The following SDK2 variants were observed in gnomAD, a reference collection of about 807,000 sequenced individuals.
SDK2 encodes sidekick cell adhesion molecule 2, also known as protein sidekick-2.
SDK2 carries 105 observed loss-of-function variants against 253.9 expected under a neutral mutation model. The observed-to-expected ratio is 0.41, with a 90% CI of 0.35 to 0.49. SDK2 has a LOEUF of 0.49. Among genes scored for constraint, SDK2 ranks in the 20% least tolerant of loss-of-function variants. SDK2 has a pLI of 0.06. For missense variants in SDK2, 2,608 were observed against 3,003.0 expected (o/e 0.87, Z 3.07); for synonymous variants, 1,249 against 1,234.9 (o/e 1.01, Z -0.24).
At chr17:73,588,495 G>A (rs1265045330) in intron 1 of SDK2, among the ~76,000 whole-genome samples, 1 of 151,872 alleles carries the variant, frequency 6.6e-6, no homozygotes, top group Non-Finnish European at 1.5e-5. Context: ...TTGTGACTGA[G>A]CAAGTATCCC....
At chr17:73,480,630 GAGAGAC>G (rs1216936491) in intron 2 of SDK2, among the ~76,000 whole-genome samples, 1 of 152,142 alleles carries the variant, frequency 6.6e-6, no homozygotes, top group African/African-American at 2.4e-5. Context: ...GGGTGAAAAT[GAGAGAC>G]AGAGACAGAG....
At chr17:73,362,901 C>T (rs1358963230) in intron 38 of SDK2, among the ~76,000 whole-genome samples, 1 of 152,244 alleles carries the variant, frequency 6.6e-6, no homozygotes, top group Non-Finnish European at 1.5e-5. Flanking sequence ...AAAGACAGGC[C>T]TTGCAGCCAA....
At chr17:73,488,744 T>C (rs1261108577) in intron 2 of SDK2, among the ~76,000 whole-genome samples, 8 of 152,246 alleles carry the variant, frequency 5.3e-5, no homozygotes, top group African/African-American at 1.9e-4. Context: ...GTTATGCGTT[T>C]CTTAACCATT....
intron 24 of SDK2, among the ~76,000 whole-genome samples, chr17:73,396,483 A>C (rs1271016488): frequency 6.6e-6 from 1 of 150,550 alleles, no homozygotes; most frequent in Admixed American, 6.6e-5. Flanking sequence ...CCCACTCCTC[A>C]CCTTCGGCCC....
At chr17:73,524,527 A>G (rs2064110080) in intron 1 of SDK2, among the ~76,000 whole-genome samples, 1 of 152,168 alleles carries the variant, frequency 6.6e-6, no homozygotes, top group Admixed American at 6.5e-5. Flanking sequence ...GGACACCCAC[A>G]TCCAGACAGA....
At chr17:73,477,851 C>T (rs1016911545) in intron 2 of SDK2, among the ~76,000 whole-genome samples, 2 of 152,200 alleles carry the variant, frequency 1.3e-5, no homozygotes, top group East Asian at 1.9e-4. Context: ...GGAACAGTGA[C>T]GGTGGCTGGG....
At chr17:73,462,589 T>C (rs900294716) in intron 3 of SDK2, among the ~76,000 whole-genome samples, 1 of 152,138 alleles carries the variant, frequency 6.6e-6, no homozygotes, top group African/African-American at 2.4e-5. Context: ...TGGTTGTGTG[T>C]ATGCATGTTT....
intron 39 of SDK2, among the ~76,000 whole-genome samples, chr17:73,360,768 T>C (rs2062633087): frequency 6.6e-6 from 1 of 150,528 alleles, no homozygotes; most frequent in African/African-American, 2.4e-5. Context: ...AAACCCTGTC[T>C]CTACTAAAAA....
At chr17:73,344,917 G>A (rs1449213150) in intron 44 of SDK2, among the ~76,000 whole-genome samples, 1 of 152,208 alleles carries the variant, frequency 6.6e-6, no homozygotes, top group African/African-American at 2.4e-5. Flanking sequence ...TTCACACTTT[G>A]AGGCCCAGCT....
chr17:73,561,821 T>C (rs2045239559), intron 1 of SDK2, among the ~76,000 whole-genome samples: 1 of 152,166 alleles, frequency 6.6e-6, no homozygotes, highest in African/African-American at 2.4e-5. Context: ...AAAATCCTAG[T>C]CATCAAGATA....
chr17:73,431,735 C>A lies in SDK2; in HGVS notation c.1313-66G>T. On this transcript the variant is annotated intron_variant, in intron 10 of 44. Transcript: ENST00000392650. This position sits in a 1 kb window ranked among gnomAD's most constrained non-coding sequence, Gnocchi z 5.6. ...AGGGCACACCCTGCCCTTCCCTGGC[C>A]GCTCCAGGGCAGCATGGTCCCCCCA... 6.9e-7 allele frequency: 1 copy of A among 1,451,176 alleles called. No homozygotes were observed. The allele number at this position is 1,451,176 out of a possible 1,614,324, so 89.9% of individuals were successfully genotyped here. A position where few individuals can be genotyped will look rare whatever the true frequency, so the allele number is the denominator to read the frequency against.
chr17:73,510,268 G>C (rs1599635180), intron 1 of SDK2, among the ~76,000 whole-genome samples: 1 of 152,302 alleles, frequency 6.6e-6, no homozygotes, highest in East Asian at 1.9e-4. Context: ...TGGCCCTGCT[G>C]CACAGCACCC....
Position 73,528,545 on chromosome 17 carries a change from T to A in SDK2, c.65-20948A>T, listed in dbSNP as rs1394375597. Among the ~76,000 whole-genome samples, 3 of 152,138 alleles carry A rather than the reference T, an allele frequency of 2.0e-5. No individual in the cohort carries two copies. In the East Asian group the frequency reaches 5.8e-4, roughly 29 times the overall value. ...GGATTCACACTTGGGGCCGGTCAAG[T>A]CCTTGGCTCCTGCTCTCATCCCAAG... On this transcript the variant is annotated intron_variant, in intron 1 of 44. Coordinates refer to ENST00000392650, the MANE Select transcript of SDK2 (RefSeq NM_001144952.2).
chr17:73,393,484 A>C, intron 27 of SDK2, 76 bp downstream of exon 27: 1 of 1,363,880 alleles, frequency 7.3e-7, no homozygotes, highest in Non-Finnish European at 9.8e-7. Flanking sequence ...CTGACCCCAG[A>C]AGGGCAAGGC....
At chr17:73,353,994 C>T (rs1195480145) in intron 40 of SDK2, among the ~76,000 whole-genome samples, 3 of 152,192 alleles carry the variant, frequency 2.0e-5, no homozygotes, top group Admixed American at 1.3e-4. Context: ...AGCCACCATG[C>T]CCGGTCTTTT....
At chr17:73,522,736 T>A (rs1005960582) in intron 1 of SDK2, among the ~76,000 whole-genome samples, 1 of 152,214 alleles carries the variant, frequency 6.6e-6, no homozygotes, top group African/African-American at 2.4e-5. Context: ...TGGAGGAACC[T>A]GGGGCCAGCA....
chr17:73,362,406 ATTTT>A (rs35982157), intron 38 of SDK2, among the ~76,000 whole-genome samples: 1 of 141,750 alleles, frequency 7.1e-6, no homozygotes, highest in African/African-American at 2.6e-5. Flanking sequence ...ATCTGCCACA[ATTTT>A]TTTTTTTTTT....
At position 73,507,422 on chromosome 17, in the gene SDK2, G is replaced by A; in HGVS notation, c.224+16C>T. Reference sequence around the variant, plus strand: ...GTCCTGGCAGCCAGGAGGAAGGGCGGGGAGGGGCAGTTTACCTGTATTCCA... The same window carrying A: ...GTCCTGGCAGCCAGGAGGAAGGGCGAGGAGGGGCAGTTTACCTGTATTCCA... On this transcript the variant is annotated intron_variant, in intron 2 of 44. Transcript: ENST00000392650. 1 of 1,546,514 alleles carries A rather than the reference G, an allele frequency of 6.5e-7. No homozygotes were observed. Among genetic ancestry groups the A allele is most frequent in the African/African-American group, 1.4e-5 (1 of 73,080 alleles).
chr17:73,598,179 C>T (rs915821434), intron 1 of SDK2, among the ~76,000 whole-genome samples: 1 of 152,126 alleles, frequency 6.6e-6, no homozygotes, highest in Non-Finnish European at 1.5e-5. Flanking sequence ...CACCATTCAC[C>T]ACTGCCATGA....
Sources: allele counts gnomAD v4.1 joint callset (sites outside exome capture counted in the v4.1 genomes callset), GRCh38; gene constraint gnomAD v4.1.1; non-coding constraint Gnocchi (gnomAD v3.1); transcripts MANE v1.5; gene names NCBI Gene and HGNC (gene_info 2026-07-23, HGNC 2026-07-21).